The following L3MBTL3 variants were observed in gnomAD, a reference collection of about 807,000 sequenced individuals.
L3MBTL3 encodes lethal(3)malignant brain tumor-like protein 3.
L3MBTL3 carries 27 observed loss-of-function variants against 102.3 expected under a neutral mutation model. The ratio of observed to expected loss-of-function variants is 0.26; its 90% confidence interval spans 0.19 to 0.36. The LOEUF (loss-of-function observed/expected upper bound fraction) is 0.36. L3MBTL3 is among the 10% of genes least tolerant of loss of function. The pLI, the probability that L3MBTL3 is intolerant of heterozygous loss-of-function variation, is 1.00. For missense variants in L3MBTL3, 798 were observed against 955.3 expected (o/e 0.84, Z 2.17); for synonymous variants, 340 against 320.9 (o/e 1.06, Z -0.64).
intron 19 of L3MBTL3, 70 bp from the exon 20 acceptor site, chr6:130,120,809 G>A: frequency 9.1e-7 from 1 of 1,102,480 alleles, no homozygotes; most frequent in Non-Finnish European, 1.4e-6. Context: ...AGCACTTGTT[G>A]AGATGTAGTT....
Position 130,086,269 on chromosome 6 carries a change from G to GGGT in L3MBTL3, c.1518+20_1518+22dup. On this transcript the variant is annotated intron_variant, in intron 16 of 22. Transcript: ENST00000361794. Reference sequence around the variant, plus strand: ...GGTAAAAGTAAGTGTTCTGTGTGGGGGGTTGGCTTTGTCTTTTGTTATAAG... The same window carrying GGGT: ...GGTAAAAGTAAGTGTTCTGTGTGGGGGGTGGTTGGCTTTGTCTTTTGTTATAAG... 1 of 1,501,030 alleles carries GGGT rather than the reference G, an allele frequency of 6.7e-7. No individual in the cohort carries two copies. Among genetic ancestry groups the GGGT allele is most frequent in the Non-Finnish European group, 9.1e-7 (1 of 1,092,950 alleles). The allele number at this position is 1,501,030 out of a possible 1,614,324, so 93.0% of individuals were successfully genotyped here. A position where few individuals can be genotyped will look rare whatever the true frequency, so the allele number is the denominator to read the frequency against.
rs1168538431 is a variant in L3MBTL3 at position 130,049,823 on chromosome 6, T to C, written c.282T>C (p.Cys94=). The change falls in exon 5 of 23, where the codon TGT becomes TGC. Residue 94 remains cysteine (C), a synonymous_variant. Transcript: ENST00000361794. ...CCTACTGGACATCTCCACCTGGATG[T>C]CCCACAGGTACCTCAAACTCCACAT... ...PPAYWTSPPG[C]PTVFSEKTGM... 1 of 1,612,524 alleles carries C rather than the reference T, an allele frequency of 6.2e-7. No individual in the cohort carries two copies. The highest frequency in any genetic ancestry group is 8.5e-7 in the Non-Finnish European group (1 of 1,179,442).
At chr6:130,139,042 C>T (rs1392809586) in intron 22 of L3MBTL3, among the ~76,000 whole-genome samples, 1 of 152,144 alleles carries the variant, frequency 6.6e-6, no homozygotes, top group Non-Finnish European at 1.5e-5. Flanking sequence ...TAACACCAGC[C>T]TCACATTCAC....
chr6:130,040,768 G>C (rs1206381719), intron 2 of L3MBTL3, among the ~76,000 whole-genome samples: 1 of 152,120 alleles, frequency 6.6e-6, no homozygotes. Context: ...TAAAAACCAG[G>C]AGCTTGCATC....
intron 22 of L3MBTL3, chr6:130,138,313 A>G (rs992451664): frequency 5.5e-4 from 84 of 152,340 alleles, no homozygotes; most frequent in African/African-American, 2.0e-3. Context: ...CTAGAAGCTG[A>G]GAATCTGAAG....
At chr6:130,046,184 TC>T (rs1780714094) in intron 3 of L3MBTL3, among the ~76,000 whole-genome samples, 1 of 152,036 alleles carries the variant, frequency 6.6e-6, no homozygotes, top group African/African-American at 2.4e-5. Context: ...GCAGATACAC[TC>T]CTGAGAGGAC....
intron 19 of L3MBTL3, among the ~76,000 whole-genome samples, chr6:130,119,976 C>T (rs1014483633): frequency 6.6e-6 from 1 of 152,114 alleles, no homozygotes; most frequent in Non-Finnish European, 1.5e-5. Context: ...AATGTATTTG[C>T]CCCGTTATTA....
At chr6:130,068,699 G>A (rs1554228080) in intron 12 of L3MBTL3, among the ~76,000 whole-genome samples, 1 of 152,114 alleles carries the variant, frequency 6.6e-6, no homozygotes, top group Non-Finnish European at 1.5e-5. Flanking sequence ...AAATTAAATT[G>A]GCTGAGATAT....
intron 18 of L3MBTL3, among the ~76,000 whole-genome samples, chr6:130,094,976 G>GT (rs1246893268): frequency 6.6e-6 from 1 of 152,148 alleles, no homozygotes; most frequent in Non-Finnish European, 1.5e-5. Flanking sequence ...GGAGGCTAAG[G>GT]TGGGAGGATC....
chr6:130,063,414 T>G (rs1476759405), intron 10 of L3MBTL3, among the ~76,000 whole-genome samples: 1 of 152,180 alleles, frequency 6.6e-6, no homozygotes, highest in Non-Finnish European at 1.5e-5. Flanking sequence ...TGCTAGGCAG[T>G]GGCAAAGCCC....
intron 19 of L3MBTL3, among the ~76,000 whole-genome samples, chr6:130,112,255 C>T (rs1031686251): frequency 8.5e-5 from 13 of 152,192 alleles, no homozygotes; most frequent in African/African-American, 3.1e-4. Flanking sequence ...TTCTTACTCT[C>T]CGAGTTGCCC....
At chr6:130,020,181 G>A (rs1778884887) in intron 1 of L3MBTL3, among the ~76,000 whole-genome samples, 1 of 151,174 alleles carries the variant, frequency 6.6e-6, no homozygotes, top group Non-Finnish European at 1.5e-5. Context: ...GGAATAATGG[G>A]CTTTGCACAC....
chr6:130,052,892 C>T lies in L3MBTL3; in HGVS notation c.483C>T (p.Asp161=). 2 of 1,613,566 alleles carry T rather than the reference C, an allele frequency of 1.2e-6. No homozygotes were observed. The highest frequency in any genetic ancestry group is 2.7e-5 in the African/African-American group (2 of 74,970). The change falls in exon 7 of 23, where the codon GAC becomes GAT. Residue 161 remains aspartate (D), a synonymous_variant. Coordinates refer to ENST00000361794, the MANE Select transcript of L3MBTL3 (RefSeq NM_032438.4). ...DQKEERDVEE[D]NEEEDPKCSR... is the part of the protein sequence containing the mutation. ...AGGAAGAAAGGGACGTAGAAGAAGA[C>T]AATGAGGAAGAAGATCCTAAGTGTA...
At chr6:130,068,500 C>T in intron 12 of L3MBTL3, 79 bp downstream of exon 12, 1 of 723,000 alleles carries the variant, frequency 1.4e-6, no homozygotes, top group African/African-American at 1.8e-5. Flanking sequence ...CAAGTGATAA[C>T]AAGGAACTAT....
At chr6:130,045,238 A>G (rs1371378539) in intron 3 of L3MBTL3, among the ~76,000 whole-genome samples, 1 of 151,902 alleles carries the variant, frequency 6.6e-6, no homozygotes, top group African/African-American at 2.4e-5. Flanking sequence ...GCCATGTCTC[A>G]TTTCACTCCC....
chr6:130,083,760 T>C (rs1258682788), intron 15 of L3MBTL3, 55 bp downstream of exon 15: 7 of 903,522 alleles, frequency 7.7e-6, no homozygotes, highest in Non-Finnish European at 1.1e-5. Flanking sequence ...TTTATTGAAA[T>C]TGAAGAACAG....
intron 22 of L3MBTL3, chr6:130,138,145 G>A (rs1434143828): frequency 1.3e-5 from 2 of 152,194 alleles, no homozygotes; most frequent in Non-Finnish European, 2.9e-5. Flanking sequence ...ATTTTTAAAG[G>A]AGAGAGGAAA....
Position 130,023,404 on chromosome 6 carries a change from C to T in L3MBTL3, c.-16+1099C>T, listed in dbSNP as rs537993651. Among the ~76,000 whole-genome samples the T allele has an allele frequency of 9.2e-5, 14 of 152,288 alleles. 1 individual carries two copies. The South Asian group carries it at 2.9e-3, about 32-fold the overall frequency. ...AACAGCTATAGGAAGGTCCTGCAGA[C>T]AACTAGGGTTCAAGAAGAGTAAAAT... is the stretch of plus-strand genomic sequence containing the variant. On this transcript the variant is annotated intron_variant, in intron 2 of 22. Coordinates refer to ENST00000361794, the MANE Select transcript of L3MBTL3 (RefSeq NM_032438.4).
intron 6 of L3MBTL3, among the ~76,000 whole-genome samples, chr6:130,052,503 C>T (rs7756870): frequency 6.6e-6 from 1 of 152,062 alleles, no homozygotes; most frequent in African/African-American, 2.4e-5. Flanking sequence ...CTAGATCCTT[C>T]TTTGACCCTG....
Sources: gnomAD v4.1 joint callset for allele counts (sites outside exome capture counted in the v4.1 genomes callset) on GRCh38, gnomAD v4.1.1 for gene constraint, MANE v1.5 for transcripts, NCBI Gene and HGNC (gene_info 2026-07-23, HGNC 2026-07-21) for gene names.